Variants in PCDHGA6 observed in about 807,000 individuals in gnomAD.
The protein encoded by PCDHGA6 is protocadherin gamma-A6.
In PCDHGA6, 41 loss-of-function variants were observed where a neutral mutation model predicts 60.6. The observed-to-expected ratio is 0.68, with a 90% CI of 0.53 to 0.88. The LOEUF (loss-of-function observed/expected upper bound fraction) is 0.88, where lower values mean the gene tolerates loss of function less well. Ranked by LOEUF, PCDHGA6 falls within the 40% of genes least tolerant of loss-of-function variation. PCDHGA6 has a pLI of 0.00. For synonymous variants in PCDHGA6, 594 were observed against 524.4 expected (o/e 1.13, Z -1.81); for missense variants, 1,312 against 1,203.0 (o/e 1.09, Z -1.34).
chr5:141,421,203 G>T, intron 1 of PCDHGA6: 1 of 1,522,612 alleles, frequency 6.6e-7, no homozygotes, highest in Non-Finnish European at 8.8e-7. Flanking sequence ...TCGAGAAACC[G>T]CGGAATATCG....
At chr5:141,389,390 C>A (rs759786018) in intron 1 of PCDHGA6, 1 of 1,613,718 alleles carries the variant, frequency 6.2e-7, no homozygotes, top group Non-Finnish European at 8.5e-7. Context: ...TGTCATCCTA[C>A]GTGTCCATAA....
chr5:141,427,114 A>G (rs767478190), intron 1 of PCDHGA6: 1 of 457,522 alleles, frequency 2.2e-6, no homozygotes, highest in Non-Finnish European at 4.4e-6. Flanking sequence ...GAGATCACCT[A>G]CTCTTTCAAA....
intron 1 of PCDHGA6, chr5:141,399,710 T>C: frequency 6.2e-7 from 1 of 1,613,346 alleles, no homozygotes; most frequent in South Asian, 1.1e-5. Flanking sequence ...GAACTCACAC[T>C]ACAGGCCCGC....
chr5:141,419,884 C>A lies in PCDHGA6; in HGVS notation c.2424+43377C>A. 1 of 1,614,088 alleles carries A rather than the reference C, an allele frequency of 6.2e-7. No individual in the cohort carries two copies. The highest frequency in any genetic ancestry group is 8.5e-7 in the Non-Finnish European group (1 of 1,179,896). On this transcript the variant is annotated intron_variant, in intron 1 of 3. Transcript: ENST00000517434. ...GCTTGCAAGAGGTACTGCCGGATTT[C>A]AGCGACCATCCCACACCCTCTGACT... is the stretch of plus-strand genomic sequence containing the variant.
intron 1 of PCDHGA6, chr5:141,384,682 G>C (rs1780361260): frequency 6.2e-7 from 1 of 1,614,222 alleles, no homozygotes; most frequent in Non-Finnish European, 8.5e-7. Context: ...GGTGGCGGTG[G>C]ACAAAGATTC....
chr5:141,421,855 C>T (rs1329066630), intron 1 of PCDHGA6: 1 of 1,613,764 alleles, frequency 6.2e-7, no homozygotes, highest in East Asian at 2.2e-5. Context: ...GGCTGCTCAC[C>T]TGCTCCTCCT....
At chr5:141,459,632 A>G (rs1202000974) in intron 1 of PCDHGA6, among the ~76,000 whole-genome samples, 1 of 152,214 alleles carries the variant, frequency 6.6e-6, no homozygotes, top group East Asian at 1.9e-4. Flanking sequence ...AAGCTGCCAA[A>G]CTATTTTTCA....
chr5:141,459,557 A>G (rs1052669136), intron 1 of PCDHGA6, among the ~76,000 whole-genome samples: 1 of 152,224 alleles, frequency 6.6e-6, no homozygotes, highest in East Asian at 1.9e-4. Context: ...TCTTGGATAA[A>G]TACCCCAAAA....
intron 1 of PCDHGA6, chr5:141,413,943 T>A: frequency 1.2e-6 from 2 of 1,613,420 alleles, no homozygotes; most frequent in Non-Finnish European, 1.7e-6. Context: ...TGAGTGTTCC[T>A]GAGAATTTGC....
intron 1 of PCDHGA6, chr5:141,399,347 A>G: frequency 6.2e-7 from 1 of 1,613,926 alleles, no homozygotes. Flanking sequence ...GGAACCCTAG[A>G]CCGAGAGCAA....
At chr5:141,377,717 T>C (rs1025721438) in intron 1 of PCDHGA6, 1 of 152,222 alleles carries the variant, frequency 6.6e-6, no homozygotes, top group African/African-American at 2.4e-5. Context: ...AAATTATTTT[T>C]GAAAAGATAA....
rs375469126 is a variant in PCDHGA6 at position 141,405,300 on chromosome 5, A to G, written c.2424+28793A>G. 207 of 1,614,206 alleles carry G rather than the reference A, an allele frequency of 1.3e-4. No homozygotes were observed. Among genetic ancestry groups the G allele is most frequent in the Non-Finnish European group, 1.6e-4 (193 of 1,180,010 alleles). On this transcript the variant is annotated intron_variant, in intron 1 of 3. Transcript: ENST00000517434. Reference sequence around the variant, plus strand: ...TATGCAGACACACTCATCAGCCAGCAGAGCTGTGAGAAAAATGAGCCTTTG... The same window carrying G: ...TATGCAGACACACTCATCAGCCAGCGGAGCTGTGAGAAAAATGAGCCTTTG...
intron 1 of PCDHGA6, among the ~76,000 whole-genome samples, chr5:141,436,328 A>G (rs146180035): frequency 6.6e-6 from 1 of 152,326 alleles, no homozygotes; most frequent in East Asian, 1.9e-4. Flanking sequence ...CTGTTAGACC[A>G]TATCTCAAAT....
rs1310725827 is a variant in PCDHGA6, at chr5:141,500,934, T to C, written c.2484-4459T>C. The stretch of plus-strand genomic sequence containing the variant: ...TCCAGGCTGGGGTGCAGTGGCGCCA[T>C]CTCGGCTCACTGCAAGCTCCACCTC... On this transcript the variant is annotated intron_variant, in intron 2 of 3. Transcript: ENST00000517434. 5.9e-5 allele frequency among the ~76,000 whole-genome samples: 9 copies of C among 151,906 alleles called. 1 individual carries two copies. Among genetic ancestry groups the C allele is most frequent in the Non-Finnish European group, 1.3e-4 (9 of 68,020 alleles).
Position 141,376,427 on chromosome 5 carries a change from C to T in PCDHGA6, c.2344C>T (p.Gln782Ter), listed in dbSNP as rs1772674192. The change falls in exon 1 of 4, where the codon CAG becomes TAG. Residue 782 changes from glutamine to a stop codon, truncating the protein, a stop_gained. Transcript: ENST00000517434. LOFTEE classifies it high-confidence loss of function. ...QPNYADTLIN[Q>*]ESYEKSEPLL... ...CAACTATGCCGACACGCTTATCAAC[C>T]AGGAGAGCTATGAGAAAAGCGAGCC... 6.2e-7 allele frequency: 1 copy of T among 1,614,104 alleles called. No homozygotes were observed. Among genetic ancestry groups the T allele is most frequent in the Non-Finnish European group, 8.5e-7 (1 of 1,180,054 alleles).
At chr5:141,388,228 A>G (rs768450383) in intron 1 of PCDHGA6, 9 of 1,605,464 alleles carry the variant, frequency 5.6e-6, no homozygotes, top group Non-Finnish European at 7.7e-6. Context: ...AATCCACTGA[A>G]CTTTTATCAC....
intron 1 of PCDHGA6, chr5:141,393,918 T>C: frequency 6.2e-7 from 1 of 1,613,982 alleles, no homozygotes; most frequent in Non-Finnish European, 8.5e-7. Context: ...AATTGCCTTC[T>C]TGAGTGTGCA....
chr5:141,450,900 C>T (rs907024071), intron 1 of PCDHGA6, among the ~76,000 whole-genome samples: 9 of 151,048 alleles, frequency 6.0e-5, no homozygotes, highest in Non-Finnish European at 1.2e-4. Flanking sequence ...TATCGGCTCA[C>T]TGCAACCGCT....
chr5:141,483,435 A>G (rs2099581280), intron 1 of PCDHGA6, among the ~76,000 whole-genome samples: 1 of 152,180 alleles, frequency 6.6e-6, no homozygotes, highest in Admixed American at 6.5e-5. Context: ...GGAGCTGACT[A>G]CAATAAAATC....
Sources: allele counts gnomAD v4.1 joint callset (sites outside exome capture counted in the v4.1 genomes callset), GRCh38; gene constraint gnomAD v4.1.1; transcripts MANE v1.5; gene names NCBI Gene and HGNC (gene_info 2026-07-23, HGNC 2026-07-21).